The following ABCA13 variants were observed in gnomAD, a reference collection of about 807,000 sequenced individuals.
ABCA13 encodes ATP-binding cassette sub-family A member 13.
Under a neutral mutation model 478.7 loss-of-function variants are expected in ABCA13, and 476 were observed. The observed-to-expected ratio is 0.99, with a 90% CI of 0.92 to 1.07. ABCA13 has a LOEUF of 1.07. ABCA13 is among the 50% of genes least tolerant of loss of function. The pLI is 0.00. For missense variants in ABCA13, 6,060 were observed against 5,910.6 expected (o/e 1.03, Z -0.83); for synonymous variants, 2,252 against 2,158.9 (o/e 1.04, Z -1.20).
intron 56 of ABCA13, among the ~76,000 whole-genome samples, chr7:48,585,589 T>C (rs112567046): frequency 3.9e-5 from 6 of 152,274 alleles, no homozygotes; most frequent in African/African-American, 1.4e-4. Context: ...TTTGTAGAGG[T>C]TCTTAATGCT....
chr7:48,195,663 A>G (rs1383204615), intron 2 of ABCA13, among the ~76,000 whole-genome samples: 1 of 152,168 alleles, frequency 6.6e-6, no homozygotes, highest in African/African-American at 2.4e-5. Context: ...CAATCAGATT[A>G]TGAATTTGGA....
At chr7:48,553,500 G>A (rs1293166639) in intron 55 of ABCA13, among the ~76,000 whole-genome samples, 1 of 151,926 alleles carries the variant, frequency 6.6e-6, no homozygotes, top group African/African-American at 2.4e-5. Flanking sequence ...TTGGATAAAA[G>A]CCATTTTAAC....
intron 42 of ABCA13, among the ~76,000 whole-genome samples, chr7:48,448,973 G>T (rs1486349880): frequency 5.9e-5 from 9 of 152,088 alleles, no homozygotes; most frequent in Non-Finnish European, 1.3e-4. Flanking sequence ...CTCCTGAGTA[G>T]CTGGGATTAC....
intron 59 of ABCA13, among the ~76,000 whole-genome samples, chr7:48,616,846 C>A (rs1313888200): frequency 1.3e-5 from 2 of 152,016 alleles, no homozygotes; most frequent in African/African-American, 2.4e-5. Flanking sequence ...CATAGTGAGA[C>A]CTCATTCCTA....
At position 48,478,773 on chromosome 7, in the gene ABCA13, C is replaced by G. The variant is rs957312652; in HGVS notation, c.12976-2263C>G. ...TAGATTTTAGTTAGGTAAAGAATTT[C>G]AACTTCATCCTGTGCTTTGGGAGAG... On this transcript the variant is annotated intron_variant, in intron 45 of 61. Transcript: ENST00000435803. 2.0e-5 allele frequency among the ~76,000 whole-genome samples: 3 copies of G among 152,014 alleles called. No homozygotes were observed. The East Asian group carries it at 5.8e-4, about 29-fold the overall frequency.
chr7:48,323,926 T>C (rs1004946813), intron 27 of ABCA13, among the ~76,000 whole-genome samples: 2 of 152,234 alleles, frequency 1.3e-5, no homozygotes, highest in African/African-American at 4.8e-5. Context: ...ACAAGCTCTC[T>C]TCTCTGCTGC....
At chr7:48,633,954 A>AGATAGATAGATAGAT (rs1470266182) in intron 59 of ABCA13, among the ~76,000 whole-genome samples, 1 of 152,048 alleles carries the variant, frequency 6.6e-6, no homozygotes, top group African/African-American at 2.4e-5. Context: ...ATAGATAGAT[A>AGATAGATAGATAGAT]GATAGATAGA....
intron 54 of ABCA13, among the ~76,000 whole-genome samples, chr7:48,526,628 C>T (rs952074441): frequency 6.6e-6 from 1 of 152,076 alleles, no homozygotes. Flanking sequence ...TATGGTAAGC[C>T]CATTCCTCCT....
chr7:48,397,214 G>A (rs1262617726), intron 38 of ABCA13, among the ~76,000 whole-genome samples: 1 of 152,060 alleles, frequency 6.6e-6, no homozygotes, highest in Non-Finnish European at 1.5e-5. Context: ...AGACCTGGAG[G>A]ACATGAGAAT....
At chr7:48,292,251 G>A (rs189090971) in intron 20 of ABCA13, among the ~76,000 whole-genome samples, 99 of 152,142 alleles carry the variant, frequency 6.5e-4, no homozygotes, top group Non-Finnish European at 9.6e-4. Flanking sequence ...CTTTCCCTCA[G>A]ATGCCAGGGA....
At chr7:48,417,210 C>T (rs571226500) in intron 41 of ABCA13, among the ~76,000 whole-genome samples, 1 of 152,312 alleles carries the variant, frequency 6.6e-6, no homozygotes, top group African/African-American at 2.4e-5. Flanking sequence ...CAGGGGATAA[C>T]CCTCAAGATC....
At chr7:48,342,302 T>C (rs537815963) in intron 29 of ABCA13, among the ~76,000 whole-genome samples, 245 of 152,282 alleles carry the variant, frequency 1.6e-3, no homozygotes, top group Non-Finnish European at 2.0e-3. Flanking sequence ...GCATCCTCAC[T>C]GTCTCCTTGT....
chr7:48,604,089 AT>A (rs1477600358), intron 58 of ABCA13, among the ~76,000 whole-genome samples: 3 of 152,022 alleles, frequency 2.0e-5, no homozygotes, highest in Non-Finnish European at 4.4e-5. Flanking sequence ...CCCCTTTATC[AT>A]TTTTTATTGC....
intron 42 of ABCA13, among the ~76,000 whole-genome samples, chr7:48,448,879 G>A (rs780173437): frequency 3.9e-5 from 6 of 152,004 alleles, no homozygotes; most frequent in Non-Finnish European, 8.8e-5. Flanking sequence ...GTCTTGCTCT[G>A]TCTCCCAGAC....
chr7:48,229,871 A>G lies in ABCA13; in HGVS notation c.679A>G (p.Thr227Ala). ...TTTAGATTGGCTTCCACTCAACCAA[A>G]CTTTTTCCCAGGTTTCTGAACTTGT... ...EDLDWLPLNQ[T>A]FSQVSELVLN... Residue 227 changes from threonine to alanine, a missense_variant, in exon 7 of 62, where the codon ACT (threonine) becomes GCT (alanine). Coordinates refer to ENST00000435803, the MANE Select transcript of ABCA13 (RefSeq NM_152701.5). The G allele has an allele frequency of 1.2e-6, 2 of 1,613,950 alleles. No homozygotes were observed. Among genetic ancestry groups the G allele is most frequent in the Admixed American group, 3.3e-5 (2 of 60,026 alleles).
chr7:48,331,601 G>A (rs892120948), intron 27 of ABCA13, among the ~76,000 whole-genome samples: 3 of 152,178 alleles, frequency 2.0e-5, no homozygotes, highest in African/African-American at 7.2e-5. Context: ...AGATTTACAT[G>A]CATTTGTAAG....
intron 35 of ABCA13, among the ~76,000 whole-genome samples, chr7:48,380,518 C>A (rs981565621): frequency 6.6e-6 from 1 of 152,152 alleles, no homozygotes; most frequent in Non-Finnish European, 1.5e-5. Flanking sequence ...TGCACGGAAA[C>A]TTTGAGTTTA....
At chr7:48,179,812 G>A (rs558571595) in intron 1 of ABCA13, among the ~76,000 whole-genome samples, 1 of 152,304 alleles carries the variant, frequency 6.6e-6, no homozygotes, top group Non-Finnish European at 1.5e-5. Context: ...TCTTCATTTT[G>A]TCACATCAGC....
intron 43 of ABCA13, among the ~76,000 whole-genome samples, chr7:48,459,178 G>T (rs1216298473): frequency 6.6e-6 from 1 of 152,148 alleles, no homozygotes; most frequent in Non-Finnish European, 1.5e-5. Context: ...GGAGGGTGGT[G>T]CATCTCTGAG....
Sources: gnomAD v4.1 joint callset for allele counts (sites outside exome capture counted in the v4.1 genomes callset) on GRCh38, gnomAD v4.1.1 for gene constraint, MANE v1.5 for transcripts, NCBI Gene and HGNC (gene_info 2026-07-23, HGNC 2026-07-21) for gene names.